Variants in MPHOSPH8 observed in about 807,000 individuals in gnomAD.
MPHOSPH8 encodes M-phase phosphoprotein, mpp.
MPHOSPH8 carries 45 observed loss-of-function variants against 87.3 expected under a neutral mutation model. That is an observed-to-expected ratio of 0.52 (90% CI 0.41 to 0.66). The LOEUF (loss-of-function observed/expected upper bound fraction) is 0.66, where lower values mean the gene tolerates loss of function less well. Ranked by LOEUF, MPHOSPH8 falls within the 30% of genes least tolerant of loss-of-function variation. MPHOSPH8 has a pLI of 0.00. For missense variants in MPHOSPH8, 883 were observed against 1,020.2 expected (o/e 0.87, Z 1.83); for synonymous variants, 366 against 376.9 (o/e 0.97, Z 0.33).
intron 2 of MPHOSPH8, among the ~76,000 whole-genome samples, chr13:19,643,619 A>G (rs150923912): frequency 3.5e-4 from 54 of 152,282 alleles, no homozygotes; most frequent in African/African-American, 1.3e-3. Flanking sequence ...ATAATCTTTT[A>G]TTAATACATA....
chr13:19,656,867 C>T (rs1480145775), intron 5 of MPHOSPH8, among the ~76,000 whole-genome samples: 1 of 151,938 alleles, frequency 6.6e-6, no homozygotes, highest in African/African-American at 2.4e-5. Context: ...CGGTGGCTCA[C>T]GCCTGTAATC....
intron 1 of MPHOSPH8, among the ~76,000 whole-genome samples, chr13:19,636,248 C>T (rs1174979418): frequency 3.5e-4 from 53 of 152,204 alleles, no homozygotes; most frequent in Non-Finnish European, 4.4e-5. Flanking sequence ...CTTAAGGGTA[C>T]TGCTAGCGGT....
intron 1 of MPHOSPH8, among the ~76,000 whole-genome samples, chr13:19,641,889 C>T (rs376597935): frequency 2.6e-5 from 4 of 152,102 alleles, no homozygotes; most frequent in East Asian, 1.9e-4. Flanking sequence ...CCACCTTGAC[C>T]TCCCAAAGTG....
chr13:19,648,456 A>G lies in MPHOSPH8; in HGVS notation c.1253A>G (p.Lys418Arg). 4 of 1,590,580 alleles carry G rather than the reference A, an allele frequency of 2.5e-6. No individual in the cohort carries two copies. The highest frequency in any genetic ancestry group is 3.4e-6 in the Non-Finnish European group (4 of 1,169,742). Residue 418 changes from lysine (K) to arginine (R), a missense_variant, in exon 4 of 14, where the codon AAA (lysine) becomes AGA (arginine). By Grantham distance (26) the Lys-to-Arg change is conservative. Coordinates refer to ENST00000361479, the MANE Select transcript of MPHOSPH8 (RefSeq NM_017520.4). ...KETKRNESKE[K>R]YQKRHDSDKE... Reference sequence around the variant, plus strand: ...ACCAAAAGAAATGAATCCAAAGAAAAATATCAGAAAAGGCATGATTCTGAC... The same window carrying G: ...ACCAAAAGAAATGAATCCAAAGAAAGATATCAGAAAAGGCATGATTCTGAC...
intron 1 of MPHOSPH8, among the ~76,000 whole-genome samples, chr13:19,635,022 T>C (rs796757892): frequency 1.2e-4 from 18 of 152,378 alleles, no homozygotes; most frequent in African/African-American, 4.3e-4. Context: ...CAGTTGCTAA[T>C]AGTGGAAACT....
At position 19,633,785 on chromosome 13, in the gene MPHOSPH8, G is replaced by T. The variant is rs1873836609; in HGVS notation, c.37G>T (p.Val13Phe). Residue 13 changes from valine (V) to phenylalanine (F), a missense_variant, in exon 1 of 14, where the codon GTC (valine) becomes TTC (phenylalanine). Val to Phe is a conservative substitution (Grantham distance 50). Around this residue, in one of 3 missense-constraint regions of MPHOSPH8, gnomAD observed 103 missense variants for 96.3 expected, o/e 1.07. Transcript: ENST00000361479. Reference protein sequence around the residue: ...QVAEGARVTAVPVSAADSTEE... With the variant: ...QVAEGARVTAFPVSAADSTEE... ...TGCGGAGGGAGCAAGGGTGACCGCA[G>T]TCCCTGTGTCAGCTGCCGACAGCAC... 1 of 1,606,646 alleles carries T rather than the reference G, an allele frequency of 6.2e-7. No individual in the cohort carries two copies. The highest frequency in any genetic ancestry group is 8.5e-7 in the Non-Finnish European group (1 of 1,177,182).
chr13:19,654,544 C>A (rs930362497), intron 5 of MPHOSPH8, among the ~76,000 whole-genome samples: 1 of 152,172 alleles, frequency 6.6e-6, no homozygotes, highest in Non-Finnish European at 1.5e-5. Flanking sequence ...GTTTCTCAAA[C>A]CAAAGGCTAC....
rs1874758054 is a variant in MPHOSPH8 at position 19,650,001 on chromosome 13, A to G, written c.1319-2A>G. ...AACCATCTATTTTAATTTTTTCGTTAGCACTTAAGGAAATCAGAAATGCAT... is the reference window on the plus strand; with the variant it reads ...AACCATCTATTTTAATTTTTTCGTTGGCACTTAAGGAAATCAGAAATGCAT... On this transcript the variant is annotated splice_acceptor_variant, in intron 4 of 13. Coordinates refer to ENST00000361479, the MANE Select transcript of MPHOSPH8 (RefSeq NM_017520.4). LOFTEE classifies it high-confidence loss of function. 6.4e-7 allele frequency: 1 copy of G among 1,563,632 alleles called. No individual in the cohort carries two copies. Among genetic ancestry groups the G allele is most frequent in the African/African-American group, 1.4e-5 (1 of 72,434 alleles).
rs1237411407 is a variant in MPHOSPH8 at position 19,673,076 on chromosome 13, G to A, written c.*1201G>A. 1.4e-5 allele frequency: 6 copies of A among 427,018 alleles called. No homozygotes were observed. The highest frequency in any genetic ancestry group is 2.7e-5 in the Non-Finnish European group (6 of 219,614). The allele number at this position is 427,018 out of a possible 1,614,324, so 26.5% of individuals were successfully genotyped here. The stretch of plus-strand genomic sequence containing the variant: ...TCTCAAAAAAAAAAAAAAGTTTCTT[G>A]GAACCTATACGGTTTTTTTTTGTTT... On this transcript the variant is annotated 3_prime_UTR_variant, in exon 14 of 14. Coordinates refer to ENST00000361479, the MANE Select transcript of MPHOSPH8 (RefSeq NM_017520.4).
rs369475371 is a variant in MPHOSPH8, at chr13:19,648,554, G to T, written c.1318+33G>T. 3.6e-6 allele frequency: 4 copies of T among 1,123,046 alleles called. No individual in the cohort carries two copies. The South Asian group carries it at 9.0e-5, about 25-fold the overall frequency. 69.6% of individuals were successfully genotyped at this position (1,123,046 alleles called of 1,614,324 possible). ...TAAATATTAACGTTTTGCCATTTAC[G>T]TTGCTATCTTTTATACAAATAACCA... On this transcript the variant is annotated intron_variant, in intron 4 of 13. Transcript: ENST00000361479.
chr13:19,662,716 A>G (rs1248612344), intron 8 of MPHOSPH8, among the ~76,000 whole-genome samples: 2 of 152,246 alleles, frequency 1.3e-5, no homozygotes, highest in African/African-American at 2.4e-5. Flanking sequence ...AATTTTTTTG[A>G]ATAAATGGTA....
intron 1 of MPHOSPH8, among the ~76,000 whole-genome samples, chr13:19,641,696 A>C (rs1479106252): frequency 6.6e-6 from 1 of 151,982 alleles, no homozygotes. Flanking sequence ...AGGTTTCACC[A>C]TGTTGGCCAG....
chr13:19,634,033 A>G (rs1445841324), intron 1 of MPHOSPH8, 72 bp downstream of exon 1: 24 of 1,488,620 alleles, frequency 1.6e-5, no homozygotes, highest in Admixed American at 2.0e-5. Flanking sequence ...CGAGCTGGAA[A>G]CAGCACGGGC....
intron 1 of MPHOSPH8, among the ~76,000 whole-genome samples, chr13:19,639,391 A>G (rs915533407): frequency 2.0e-5 from 3 of 150,280 alleles, no homozygotes; most frequent in Non-Finnish European, 4.4e-5. Context: ...GCTCACTGCA[A>G]CCTCCGCCTC....
intron 9 of MPHOSPH8, among the ~76,000 whole-genome samples, chr13:19,665,792 T>A (rs1001024024): frequency 6.6e-6 from 1 of 152,174 alleles, no homozygotes; most frequent in Non-Finnish European, 1.5e-5. Flanking sequence ...TCAGAAGAAT[T>A]AAGGGACTTA....
chr13:19,667,310 C>T (rs533526683), intron 10 of MPHOSPH8, among the ~76,000 whole-genome samples: 12 of 152,288 alleles, frequency 7.9e-5, no homozygotes, highest in South Asian at 2.1e-4. Flanking sequence ...CCCCGACTGT[C>T]GAGATCCCAG....
At position 19,650,202 on chromosome 13, in the gene MPHOSPH8, T is replaced by TGCA; in HGVS notation, c.1520_1521insAGC (p.Ala508dup). 5.0e-6 allele frequency: 8 copies of TGCA among 1,614,152 alleles called. No individual in the cohort carries two copies. Among genetic ancestry groups the TGCA allele is most frequent in the Non-Finnish European group, 6.8e-6 (8 of 1,180,022 alleles). On this transcript the variant is annotated inframe_insertion, in exon 5 of 14. Transcript: ENST00000361479. ...ACGAAACGGATACTTGGGCATACAT[T>TGCA]GCTGCAGAAGGTGATCAGGAGGTTT...
At chr13:19,670,926 C>T (rs1876088369) in intron 12 of MPHOSPH8, 1 of 952,142 alleles carries the variant, frequency 1.1e-6, no homozygotes, top group Non-Finnish European at 1.5e-6. Flanking sequence ...CACAAGCAAT[C>T]CTCCCACCTC....
chr13:19,664,241 C>A (rs574494569), intron 9 of MPHOSPH8, among the ~76,000 whole-genome samples: 1 of 152,286 alleles, frequency 6.6e-6, no homozygotes, highest in South Asian at 2.1e-4. Flanking sequence ...TGGAAATGTT[C>A]ATTTTGTTTG....
Sources: gnomAD v4.1 joint callset for allele counts (sites outside exome capture counted in the v4.1 genomes callset) on GRCh38, gnomAD v4.1.1 for gene constraint, gnomAD v4.1.1 regional missense constraint, MANE v1.5 for transcripts, NCBI Gene and HGNC (gene_info 2026-07-23, HGNC 2026-07-21) for gene names.